Variants in GSKIP observed in about 807,000 individuals in gnomAD.
GSKIP encodes the protein GSK3B interacting protein.
In GSKIP, 5 loss-of-function variants were observed where a neutral mutation model predicts 11.9. The observed-to-expected ratio is 0.42, with a 90% CI of 0.22 to 0.89. The LOEUF (loss-of-function observed/expected upper bound fraction) is 0.89. Among genes scored for constraint, GSKIP ranks in the 40% least tolerant of loss-of-function variants. The pLI is 0.29. For missense variants in GSKIP, 150 were observed against 166.6 expected (o/e 0.90, Z 0.55); for synonymous variants, 70 against 62.9 (o/e 1.11, Z -0.54).
rs748569748 is a variant in GSKIP, at chr14:96,382,518, T to C, written c.258+13T>C. 4.0e-5 allele frequency: 63 copies of C among 1,580,376 alleles called. No homozygotes were observed. The highest frequency in any genetic ancestry group is 5.3e-5 in the Non-Finnish European group (62 of 1,163,266). On this transcript the variant is annotated intron_variant, in intron 3 of 3. Coordinates refer to ENST00000555181, the MANE Select transcript of GSKIP (RefSeq NM_016472.5). ...AGCAGGGCTCAAGGTAACTCACTTT[T>C]CCTTTTAGAAAAAAAAATTATTTAT...
At chr14:96,371,438 C>T (rs1173076309) in intron 1 of GSKIP, among the ~76,000 whole-genome samples, 2 of 139,744 alleles carry the variant, frequency 1.4e-5, no homozygotes, top group Non-Finnish European at 3.0e-5. Flanking sequence ...AAGCTATCAA[C>T]AATCTTTTTT....
chr14:96,385,695 T>TCC lies in GSKIP; in HGVS notation c.*12_*13dup. 1.9e-6 allele frequency: 3 copies of TCC among 1,603,714 alleles called. No homozygotes were observed. The highest frequency in any genetic ancestry group is 2.6e-6 in the Non-Finnish European group (3 of 1,175,662). On this transcript the variant is annotated 3_prime_UTR_variant, in exon 4 of 4. Coordinates refer to ENST00000555181, the MANE Select transcript of GSKIP (RefSeq NM_016472.5). ...GATGGACAGTCATGACTACACTTTT[T>TCC]CCTTTCAGAGGGGCTGGTGCTGGTA... is the stretch of plus-strand genomic sequence containing the variant.
At chr14:96,380,651 T>C (rs1034820396) in intron 2 of GSKIP, among the ~76,000 whole-genome samples, 5 of 152,188 alleles carry the variant, frequency 3.3e-5, no homozygotes, top group Admixed American at 1.3e-4. Flanking sequence ...GACTGTGCAG[T>C]GTACCAGATC....
At position 96,382,386 on chromosome 14, in the gene GSKIP, G is replaced by A. The variant is rs779558584; in HGVS notation, c.139G>A (p.Ala47Thr). ...AEAVVNDVLF[A>T]VNNMFVSKSL... ...AGCAGTTGTAAATGATGTTCTCTTT[G>A]CTGTTAACAACATGTTTGTCTCGAA... The change falls in exon 3 of 4, where the codon GCT becomes ACT. Residue 47 changes from alanine (A) to threonine (T), a missense_variant. By Grantham distance (58) the Ala-to-Thr change is moderately conservative. Transcript: ENST00000555181. The A allele has an allele frequency of 1.2e-6, 2 of 1,613,972 alleles. No individual in the cohort carries two copies. The highest frequency in any genetic ancestry group is 1.3e-5 in the African/African-American group (1 of 75,016).
chr14:96,380,516 A>T (rs1040539175), intron 2 of GSKIP, among the ~76,000 whole-genome samples: 31 of 152,312 alleles, frequency 2.0e-4, no homozygotes, highest in African/African-American at 6.7e-4. Flanking sequence ...AGTGAGGAAA[A>T]TGTATCTGTA....
chr14:96,370,137 C>G (rs1323926174), intron 1 of GSKIP, among the ~76,000 whole-genome samples: 1 of 152,178 alleles, frequency 6.6e-6, no homozygotes, highest in African/African-American at 2.4e-5. Context: ...TTCTCTTGGC[C>G]AATTTCTCCC....
intron 1 of GSKIP, among the ~76,000 whole-genome samples, chr14:96,370,543 G>C (rs867930041): frequency 1.3e-5 from 2 of 152,054 alleles, no homozygotes; most frequent in South Asian, 4.2e-4. Context: ...GATCTCTCAT[G>C]AATGGCCCGG....
In GSKIP at chr14:96,386,566, C is replaced by T. The variant is rs1291791079; in HGVS notation, c.*882C>T. The T allele has an allele frequency of 6.6e-6, 1 of 152,586 alleles. No individual in the cohort carries two copies. The highest frequency in any genetic ancestry group is 2.4e-5 in the African/African-American group (1 of 41,436). 9.5% of individuals were successfully genotyped at this position (152,586 alleles called of 1,614,324 possible). On this transcript the variant is annotated 3_prime_UTR_variant, in exon 4 of 4. Transcript: ENST00000555181. ...ATATATTCAGAAAGTATTTTTGCTT[C>T]AACGTTTACTTTCTATGATGTAGTG... is the stretch of plus-strand genomic sequence containing the variant.
At chr14:96,367,744 C>A (rs529841060) in intron 1 of GSKIP, among the ~76,000 whole-genome samples, 27 of 152,260 alleles carry the variant, frequency 1.8e-4, no homozygotes, top group Non-Finnish European at 2.9e-4. Context: ...ACCCGAACAC[C>A]GCCCAAAAAT....
intron 1 of GSKIP, among the ~76,000 whole-genome samples, chr14:96,374,560 G>A (rs2139935054): frequency 6.6e-6 from 1 of 152,222 alleles, no homozygotes; most frequent in African/African-American, 2.4e-5. Flanking sequence ...TAGAGACACA[G>A]GCTCTTACTA....
chr14:96,372,556 C>T (rs578187520), intron 1 of GSKIP, among the ~76,000 whole-genome samples: 1 of 152,312 alleles, frequency 6.6e-6, no homozygotes, highest in African/African-American at 2.4e-5. Context: ...TCTCATAAAA[C>T]ATATGGTGAG....
intron 2 of GSKIP, among the ~76,000 whole-genome samples, chr14:96,382,013 C>T (rs1315906422): frequency 1.3e-5 from 2 of 151,908 alleles, no homozygotes; most frequent in African/African-American, 2.4e-5. Flanking sequence ...GGAAATTGAC[C>T]TGTTGGGGGT....
At chr14:96,374,024 G>A (rs576981771) in intron 1 of GSKIP, among the ~76,000 whole-genome samples, 51 of 152,280 alleles carry the variant, frequency 3.3e-4, no homozygotes, top group African/African-American at 1.2e-3. Flanking sequence ...AAATCTGTCC[G>A]TTGAGAGTAA....
At chr14:96,377,193 A>C (rs1889225054) in intron 1 of GSKIP, among the ~76,000 whole-genome samples, 1 of 152,238 alleles carries the variant, frequency 6.6e-6, no homozygotes, top group African/African-American at 2.4e-5. Context: ...CCATCACAGT[A>C]GCCAAACTTC....
At chr14:96,371,005 A>G (rs1477707748) in intron 1 of GSKIP, among the ~76,000 whole-genome samples, 3 of 152,178 alleles carry the variant, frequency 2.0e-5, no homozygotes, top group South Asian at 2.1e-4. Context: ...TTGAATTACA[A>G]ATACTTTATA....
At chr14:96,383,747 A>G (rs908716541) in intron 3 of GSKIP, among the ~76,000 whole-genome samples, 3 of 152,230 alleles carry the variant, frequency 2.0e-5, no homozygotes, top group Non-Finnish European at 4.4e-5. Flanking sequence ...AGCTGCTGCA[A>G]AGATAGCTGC....
intron 3 of GSKIP, 140 bp from the exon 4 acceptor site, chr14:96,385,383 C>T: frequency 1.7e-6 from 1 of 596,892 alleles, no homozygotes; most frequent in Non-Finnish European, 2.9e-6. Flanking sequence ...CACTCAGTTA[C>T]CCATGTATCT....
intron 3 of GSKIP, among the ~76,000 whole-genome samples, chr14:96,384,191 T>G (rs1024525765): frequency 6.6e-6 from 1 of 152,212 alleles, no homozygotes; most frequent in Non-Finnish European, 1.5e-5. Context: ...TTAACATTTA[T>G]TGAGCAACTA....
At chr14:96,384,996 A>G (rs1889451339) in intron 3 of GSKIP, among the ~76,000 whole-genome samples, 2 of 150,938 alleles carry the variant, frequency 1.3e-5, no homozygotes, top group South Asian at 4.1e-4. Flanking sequence ...ATTAAAATTA[A>G]CAACTAATTA....
Sources: allele counts gnomAD v4.1 joint callset (sites outside exome capture counted in the v4.1 genomes callset), GRCh38; gene constraint gnomAD v4.1.1; transcripts MANE v1.5; gene names NCBI Gene and HGNC (gene_info 2026-07-23, HGNC 2026-07-21).